Variants in PLXNA4 observed in about 807,000 individuals in gnomAD.
PLXNA4 encodes plexin A4.
A neutral mutation model predicts 191.8 loss-of-function variants in PLXNA4; 44 were observed. That is an observed-to-expected ratio of 0.23 (90% CI 0.18 to 0.29). The LOEUF (loss-of-function observed/expected upper bound fraction) is 0.29, where lower values mean the gene tolerates loss of function less well. PLXNA4 is among the 10% of genes least tolerant of loss of function. The pLI is 1.00. For synonymous variants in PLXNA4, 1,082 were observed against 1,009.5 expected, an observed-to-expected ratio of 1.07 and a Z score of -1.36; for missense variants, 1,800 against 2,488.8, an observed-to-expected ratio of 0.72 and a Z score of 5.89.
intron 1 of PLXNA4, among the ~76,000 whole-genome samples, chr7:132,520,391 C>T (rs1799125434): frequency 6.6e-6 from 1 of 152,170 alleles, no homozygotes; most frequent in African/African-American, 2.4e-5. Context: ...CTGGGAAAGG[C>T]CTTTGCTTCT....
chr7:132,126,101 C>T lies in PLXNA4; in HGVS notation c.*4378G>A, dbSNP rs935678246. ...GTCCCCTTGGTCCTGGGAAAGAAGA[C>T]AGATGGAAATTGAGCTTTTCTTTTT... is the stretch of plus-strand genomic sequence containing the variant. On this transcript the variant is annotated 3_prime_UTR_variant, in exon 32 of 32. Coordinates refer to ENST00000321063, the MANE Select transcript of PLXNA4 (RefSeq NM_020911.2). The T allele has an allele frequency of 6.6e-6, 1 of 152,468 alleles. No homozygotes were observed. The highest frequency in any genetic ancestry group is 1.5e-5 in the Non-Finnish European group (1 of 68,266). 9.4% of individuals were successfully genotyped at this position (152,468 alleles called of 1,614,324 possible). A position where few individuals can be genotyped will look rare whatever the true frequency, so the allele number is the denominator to read the frequency against.
chr7:132,287,704 C>A (rs532760654), intron 4 of PLXNA4, among the ~76,000 whole-genome samples: 1 of 152,272 alleles, frequency 6.6e-6, no homozygotes, highest in African/African-American at 2.4e-5. Flanking sequence ...TGTAGAAACA[C>A]GTCAGTCAGA....
chr7:132,156,591 C>A (rs370739345), intron 25 of PLXNA4, among the ~76,000 whole-genome samples: 2 of 152,184 alleles, frequency 1.3e-5, no homozygotes, highest in South Asian at 4.1e-4. Flanking sequence ...GAAAGCACAG[C>A]GGGTGCGGGG....
intron 2 of PLXNA4, among the ~76,000 whole-genome samples, chr7:132,617,811 G>A (rs191837245): frequency 2.0e-5 from 3 of 152,292 alleles, no homozygotes; most frequent in African/African-American, 7.2e-5. Flanking sequence ...CCAGCTACCA[G>A]AATAGAAACT....
chr7:132,357,220 G>T (rs1042840339), intron 3 of PLXNA4, among the ~76,000 whole-genome samples: 2 of 152,160 alleles, frequency 1.3e-5, no homozygotes, highest in African/African-American at 4.8e-5. Flanking sequence ...GATAATCTTT[G>T]CAGGGCACAT....
intron 3 of PLXNA4, among the ~76,000 whole-genome samples, chr7:132,466,392 G>T (rs996426075): frequency 5.3e-5 from 8 of 152,190 alleles, no homozygotes; most frequent in African/African-American, 1.9e-4. Context: ...GTGGCCTTGG[G>T]TTAGCTCTTT....
chr7:132,241,144 G>A lies in PLXNA4; in HGVS notation c.1526C>T (p.Ser509Phe), dbSNP rs1798863438. 6.2e-7 allele frequency: 1 copy of A among 1,612,668 alleles called. No homozygotes were observed. The highest frequency in any genetic ancestry group is 1.7e-5 in the Admixed American group (1 of 59,982). The change falls in exon 5 of 32, where the codon TCC becomes TTC. Residue 509 changes from serine (S) to phenylalanine (F), a missense_variant. Physicochemically the swap from Ser to Phe is radical, Grantham distance 155. Transcript: ENST00000321063. ...ERQLTRVPVE[S>F]CGQYQSCGEC... ...GCCGCAGCTCTGATACTGACCACAG[G>A]ACTCCACAGGGACTCTGGTGAGCTA...
At chr7:132,321,626 CA>C (rs1420962474) in intron 3 of PLXNA4, among the ~76,000 whole-genome samples, 1 of 152,178 alleles carries the variant, frequency 6.6e-6, no homozygotes, top group Non-Finnish European at 1.5e-5. Flanking sequence ...TGCACATAAG[CA>C]GACAGACCTG....
intron 9 of PLXNA4, among the ~76,000 whole-genome samples, chr7:132,214,028 C>G (rs1368272407): frequency 6.6e-6 from 1 of 152,216 alleles, no homozygotes; most frequent in African/African-American, 2.4e-5. Context: ...TCAGTATCAG[C>G]AGATGAGCTG....
intron 1 of PLXNA4, among the ~76,000 whole-genome samples, chr7:132,574,575 C>T (rs966053723): frequency 6.6e-6 from 1 of 152,218 alleles, no homozygotes; most frequent in African/African-American, 2.4e-5. Context: ...TGTGTGTGCA[C>T]ACGCCCACCA....
At chr7:132,228,274 T>C in intron 6 of PLXNA4, 72 bp downstream of exon 6, 3 of 1,597,742 alleles carry the variant, frequency 1.9e-6, no homozygotes, top group Non-Finnish European at 2.6e-6. Flanking sequence ...GGCCTTGGGC[T>C]AAGGCACTTT....
At chr7:132,597,025 T>C (rs1409212851) in intron 2 of PLXNA4, among the ~76,000 whole-genome samples, 2 of 152,186 alleles carry the variant, frequency 1.3e-5, no homozygotes. Flanking sequence ...TGGGCTTCCA[T>C]GCATAGTCTG....
At chr7:132,591,973 C>T (rs781452082) in intron 2 of PLXNA4, among the ~76,000 whole-genome samples, 3 of 152,192 alleles carry the variant, frequency 2.0e-5, no homozygotes, top group Non-Finnish European at 4.4e-5. Context: ...TGCTGTTCAT[C>T]TTCCGTATGT....
chr7:132,320,991 G>A (rs1454252977), intron 3 of PLXNA4, among the ~76,000 whole-genome samples: 2 of 152,114 alleles, frequency 1.3e-5, no homozygotes, highest in Admixed American at 6.5e-5. Flanking sequence ...AAATCTCCCT[G>A]TTTTTCTGCC....
intron 2 of PLXNA4, among the ~76,000 whole-genome samples, chr7:132,500,263 T>A (rs1798191624): frequency 6.6e-6 from 1 of 152,178 alleles, no homozygotes; most frequent in Admixed American, 6.5e-5. Context: ...GCCAGCGTGA[T>A]GAAACCCTGT....
intron 13 of PLXNA4, among the ~76,000 whole-genome samples, chr7:132,197,991 G>A (rs1478388126): frequency 6.6e-6 from 1 of 152,132 alleles, no homozygotes; most frequent in East Asian, 1.9e-4. Context: ...ACAGGTCAAG[G>A]TCTTTTGCTG....
At chr7:132,381,305 G>A (rs893044496) in intron 3 of PLXNA4, among the ~76,000 whole-genome samples, 7 of 152,174 alleles carry the variant, frequency 4.6e-5, no homozygotes, top group Non-Finnish European at 1.0e-4. Context: ...TAGATATGAG[G>A]TAGGGAGCAG....
At position 132,298,228 on chromosome 7, in the gene PLXNA4, G is replaced by C; in HGVS notation, c.1372-6C>G. 2 of 1,609,514 alleles carry C rather than the reference G, an allele frequency of 1.2e-6. No homozygotes were observed. Among genetic ancestry groups the C allele is most frequent in the Non-Finnish European group, 1.7e-6 (2 of 1,177,856 alleles). ...CTGGGTCCATCCACCCGGATCTGTGGAGAAGAAGAGGAGAGCCAAAGTGAG... is the reference window on the plus strand; with the variant it reads ...CTGGGTCCATCCACCCGGATCTGTGCAGAAGAAGAGGAGAGCCAAAGTGAG... On this transcript the variant is annotated splice_polypyrimidine_tract_variant and splice_region_variant and intron_variant, in intron 3 of 31. Coordinates refer to ENST00000321063, the MANE Select transcript of PLXNA4 (RefSeq NM_020911.2).
intron 3 of PLXNA4, among the ~76,000 whole-genome samples, chr7:132,332,606 TG>T (rs1802633436): frequency 6.6e-6 from 1 of 151,924 alleles, no homozygotes; most frequent in South Asian, 2.1e-4. Flanking sequence ...CTCAGCATTT[TG>T]GGAGGCCAAG....
Sources: allele counts gnomAD v4.1 joint callset (sites outside exome capture counted in the v4.1 genomes callset), GRCh38; gene constraint gnomAD v4.1.1; transcripts MANE v1.5; gene names NCBI Gene and HGNC (gene_info 2026-07-23, HGNC 2026-07-21).